Variants in ABCA13 observed in about 807,000 individuals in gnomAD.
ABCA13 encodes the protein ATP binding cassette subfamily A member 13.
A neutral mutation model predicts 478.7 loss-of-function variants in ABCA13; 476 were observed. The observed-to-expected ratio is 0.99, with a 90% confidence interval of 0.92 to 1.07. ABCA13 has a LOEUF of 1.07. ABCA13 is among the 50% of genes least tolerant of loss of function. ABCA13 has a pLI of 0.00. For synonymous variants in ABCA13, 2,252 were observed against 2,158.9 expected (o/e 1.04, Z -1.20); for missense variants, 6,060 against 5,910.6 (o/e 1.03, Z -0.83).
In ABCA13 at chr7:48,352,048, G is replaced by C. The variant is rs944615452; in HGVS notation, c.10382-133G>C. ...GTCAGCTTTGCCACTGCGGGCTGGG[G>C]CTCTGAGTCTGCAGGAGTGGAGGGC... On this transcript the variant is annotated intron_variant, in intron 30 of 61. Coordinates refer to ENST00000435803, the MANE Select transcript of ABCA13 (RefSeq NM_152701.5). 3.6e-6 allele frequency: 3 copies of C among 841,726 alleles called. No homozygotes were observed. In the East Asian group the frequency reaches 7.6e-5, roughly 21 times the overall value. 52.1% of individuals were successfully genotyped at this position (841,726 alleles called of 1,614,324 possible).
chr7:48,421,011 T>C lies in ABCA13; in HGVS notation c.12460-6755T>C, dbSNP rs114476647. Among the ~76,000 whole-genome samples the C allele has an allele frequency of 5.5e-3, 841 of 152,258 alleles. 7 individuals carry two copies. The highest frequency in any genetic ancestry group is 0.019 in the African/African-American group (802 of 41,534). The stretch of plus-strand genomic sequence containing the variant: ...TCAATATGGGTTTGCCCTATTTTGC[T>C]GTGATTGGTCAGGTTATGCATTTTT... On this transcript the variant is annotated intron_variant, in intron 41 of 61. Coordinates refer to ENST00000435803, the MANE Select transcript of ABCA13 (RefSeq NM_152701.5).
intron 42 of ABCA13, among the ~76,000 whole-genome samples, chr7:48,448,214 G>C (rs190491409): frequency 2.0e-5 from 3 of 152,254 alleles, no homozygotes; most frequent in Admixed American, 2.0e-4. Flanking sequence ...ATTATCTCTC[G>C]CCCTAACCAT....
intron 39 of ABCA13, among the ~76,000 whole-genome samples, chr7:48,405,346 A>G (rs1818124346): frequency 1.3e-5 from 2 of 152,246 alleles, no homozygotes; most frequent in African/African-American, 4.8e-5. Context: ...GTTGACACCC[A>G]GACACCAGAT....
At chr7:48,596,420 T>A (rs1790283023) in intron 58 of ABCA13, among the ~76,000 whole-genome samples, 1 of 152,240 alleles carries the variant, frequency 6.6e-6, no homozygotes. Flanking sequence ...CTATGATTCT[T>A]TAGTAAATTT....
At chr7:48,611,659 G>A (rs2131546061) in intron 58 of ABCA13, among the ~76,000 whole-genome samples, 1 of 152,252 alleles carries the variant, frequency 6.6e-6, no homozygotes, top group Admixed American at 6.5e-5. Context: ...TCACTATCAT[G>A]AGAAAAGCAA....
chr7:48,182,463 A>G (rs1795820246), intron 1 of ABCA13, among the ~76,000 whole-genome samples: 1 of 152,178 alleles, frequency 6.6e-6, no homozygotes, highest in African/African-American at 2.4e-5. Context: ...ATCTCCTTCC[A>G]GTGTTCATAC....
intron 45 of ABCA13, among the ~76,000 whole-genome samples, chr7:48,473,132 A>AC (rs887529579): frequency 8.5e-5 from 13 of 152,084 alleles, no homozygotes; most frequent in African/African-American, 3.1e-4. Flanking sequence ...AGGGGGAACC[A>AC]CCCCCGTGTT....
At chr7:48,520,658 T>A (rs1289824322) in intron 53 of ABCA13, among the ~76,000 whole-genome samples, 2 of 152,210 alleles carry the variant, frequency 1.3e-5, no homozygotes, top group African/African-American at 4.8e-5. Context: ...ACCCATTAAC[T>A]CATCGTTTAC....
chr7:48,427,069 A>C, intron 41 of ABCA13, among the ~76,000 whole-genome samples: 1 of 152,072 alleles, frequency 6.6e-6, no homozygotes. Context: ...TTCTCTTTCC[A>C]TCACTCCATA....
intron 55 of ABCA13, among the ~76,000 whole-genome samples, chr7:48,576,810 A>G (rs1363323712): frequency 6.6e-6 from 1 of 152,206 alleles, no homozygotes; most frequent in Non-Finnish European, 1.5e-5. Context: ...TTCTAGTCAG[A>G]TAAACTCAAA....
intron 3 of ABCA13, among the ~76,000 whole-genome samples, chr7:48,203,484 G>A (rs754827983): frequency 2.0e-4 from 30 of 152,258 alleles, no homozygotes; most frequent in Non-Finnish European, 4.0e-4. Context: ...CTCTCAATAA[G>A]TTTCCATGAC....
chr7:48,528,914 C>A (rs960242281), intron 55 of ABCA13, among the ~76,000 whole-genome samples: 6 of 152,150 alleles, frequency 3.9e-5, no homozygotes, highest in African/African-American at 1.4e-4. Context: ...TCAGAGGCTG[C>A]CTGAGGCCAG....
intron 44 of ABCA13, among the ~76,000 whole-genome samples, chr7:48,469,014 G>T (rs1208480876): frequency 6.6e-6 from 1 of 152,134 alleles, no homozygotes; most frequent in East Asian, 1.9e-4. Flanking sequence ...ATTTTACAAG[G>T]CTTATATCTG....
At position 48,275,073 on chromosome 7, in the gene ABCA13, G is replaced by A. The variant is rs759648343; in HGVS notation, c.5407G>A (p.Glu1803Lys). ...IVIKILLDTI[E>K]LVSDKPDIIS... ...GATAAAAATTCTTTTGGATACAATT[G>A]AATTAGTATCAGATAAGCCAGATAT... The change falls in exon 17 of 62, where the codon GAA (glutamate) becomes AAA (lysine). Residue 1803 changes from glutamate (E) to lysine (K), a missense_variant. Coordinates refer to ENST00000435803, the MANE Select transcript of ABCA13 (RefSeq NM_152701.5). The A allele has an allele frequency of 1.2e-5, 20 of 1,613,198 alleles. No homozygotes were observed. Among genetic ancestry groups the A allele is most frequent in the Non-Finnish European group, 1.7e-5 (20 of 1,179,562 alleles).
chr7:48,430,390 T>C (rs1483096287), intron 42 of ABCA13, among the ~76,000 whole-genome samples: 1 of 152,114 alleles, frequency 6.6e-6, no homozygotes, highest in Non-Finnish European at 1.5e-5. Flanking sequence ...TCTGTAGTGA[T>C]GTTTGTCAGG....
intron 38 of ABCA13, among the ~76,000 whole-genome samples, chr7:48,393,477 A>G (rs1816379689): frequency 6.6e-6 from 1 of 152,248 alleles, no homozygotes; most frequent in Non-Finnish European, 1.5e-5. Context: ...GCACATTCCT[A>G]AGAAGAAAAT....
chr7:48,325,587 T>C (rs1804199662), intron 27 of ABCA13, among the ~76,000 whole-genome samples: 1 of 152,168 alleles, frequency 6.6e-6, no homozygotes, highest in Non-Finnish European at 1.5e-5. Flanking sequence ...TTTTTGCTGT[T>C]TCCTGAGTGC....
At chr7:48,381,473 C>T (rs991222111) in intron 35 of ABCA13, among the ~76,000 whole-genome samples, 2 of 152,026 alleles carry the variant, frequency 1.3e-5, no homozygotes, top group Non-Finnish European at 2.9e-5. Flanking sequence ...TGAGTATGAC[C>T]CCAGCATTTC....
At chr7:48,389,367 G>A (rs749771358) in intron 37 of ABCA13, 147 bp downstream of exon 37, 12 of 930,310 alleles carry the variant, frequency 1.3e-5, no homozygotes, top group Admixed American at 8.9e-5. Flanking sequence ...GAAAGGCAGA[G>A]CCCCTCATGA....
Sources: gnomAD v4.1 joint callset for allele counts (sites outside exome capture counted in the v4.1 genomes callset) on GRCh38, gnomAD v4.1.1 for gene constraint, MANE v1.5 for transcripts, NCBI Gene and HGNC (gene_info 2026-07-23, HGNC 2026-07-21) for gene names.